The following KIFAP3 variants were observed in gnomAD, a reference collection of about 807,000 sequenced individuals.
KIFAP3 encodes the protein kinesin associated protein 3, also known as kinesin-associated protein 3.
A neutral mutation model predicts 106.5 loss-of-function variants in KIFAP3; 68 were observed. The ratio of observed to expected loss-of-function variants is 0.64; its 90% CI spans 0.53 to 0.78. KIFAP3 has a LOEUF of 0.78. KIFAP3 is among the 30% of genes least tolerant of loss of function. The pLI is 0.00. For missense variants in KIFAP3, 780 were observed against 941.8 expected, an observed-to-expected ratio of 0.83 and a Z score of 2.25; for synonymous variants, 320 against 311.5, an observed-to-expected ratio of 1.03 and a Z score of -0.29.
chr1:169,993,478 TTC>T (rs1413970758), intron 10 of KIFAP3, among the ~76,000 whole-genome samples: 1 of 150,404 alleles, frequency 6.6e-6, no homozygotes, highest in Non-Finnish European at 1.5e-5. Context: ...TGCTGATTGA[TTC>T]TGTTTTTAAT....
chr1:170,083,725 A>G (rs1411443513), intron 1 of KIFAP3, among the ~76,000 whole-genome samples: 2 of 152,162 alleles, frequency 1.3e-5, no homozygotes, highest in Non-Finnish European at 1.5e-5. Context: ...TATTAATCAT[A>G]TGACTACTCA....
At chr1:169,928,699 CAAAAAAAAA>C (rs10690029) in intron 19 of KIFAP3, among the ~76,000 whole-genome samples, 1 of 37,784 alleles carries the variant, frequency 2.6e-5, no homozygotes, top group Admixed American at 4.8e-4. Context: ...ACCCTGTCTC[CAAAAAAAAA>C]AAAAAAAAAA....
upstream of KIFAP3, among the ~76,000 whole-genome samples, chr1:170,079,440 A>G (rs1304652856): frequency 6.6e-6 from 1 of 152,224 alleles, no homozygotes; most frequent in Non-Finnish European, 1.5e-5. Flanking sequence ...ACAAAGACAC[A>G]TATTAACAAT....
At chr1:169,978,980 T>A (rs1666370882) in intron 15 of KIFAP3, among the ~76,000 whole-genome samples, 1 of 152,134 alleles carries the variant, frequency 6.6e-6, no homozygotes, top group Non-Finnish European at 1.5e-5. Context: ...TATCTTGGTA[T>A]ACAGTATTCC....
chr1:170,017,220 G>T (rs1415474065), intron 9 of KIFAP3, among the ~76,000 whole-genome samples: 1 of 134,498 alleles, frequency 7.4e-6, no homozygotes. Context: ...TCATGCTACT[G>T]CATTCCAGCC....
intron 10 of KIFAP3, among the ~76,000 whole-genome samples, chr1:169,999,392 T>C (rs923394388): frequency 6.6e-5 from 10 of 152,254 alleles, no homozygotes; most frequent in African/African-American, 2.4e-4. Flanking sequence ...AAGACATCAA[T>C]TATTCCCTAA....
At chr1:170,001,157 T>G (rs1667650503) in intron 10 of KIFAP3, among the ~76,000 whole-genome samples, 2 of 152,140 alleles carry the variant, frequency 1.3e-5, no homozygotes, top group South Asian at 4.1e-4. Context: ...TGTAGAATTT[T>G]TATTACATCC....
At chr1:169,986,030 G>C (rs971086371) in intron 11 of KIFAP3, among the ~76,000 whole-genome samples, 4 of 151,764 alleles carry the variant, frequency 2.6e-5, no homozygotes, top group Non-Finnish European at 4.4e-5. Context: ...ACAACAAATA[G>C]AAGTTATTCC....
At chr1:170,039,159 T>C (rs1437055630) in intron 4 of KIFAP3, 74 bp downstream of exon 4, 15 of 761,602 alleles carry the variant, frequency 2.0e-5, no homozygotes, top group Middle Eastern at 2.5e-4. Context: ...AATGTGATTG[T>C]GTGTATTATT....
At chr1:169,944,241 C>T (rs1664302132) in intron 19 of KIFAP3, among the ~76,000 whole-genome samples, 1 of 152,188 alleles carries the variant, frequency 6.6e-6, no homozygotes, top group Admixed American at 6.5e-5. Flanking sequence ...GGCATGCTGG[C>T]TGACTGGCTA....
chr1:170,074,665 T>C lies in KIFAP3; in HGVS notation c.-198A>G, dbSNP rs555541931. 8.8e-5 allele frequency: 128 copies of C among 1,449,644 alleles called. No homozygotes were observed. The African/African-American group carries it at 1.4e-3, about 16-fold the overall frequency. The allele number at this position is 1,449,644 out of a possible 1,614,324, so 89.8% of individuals were successfully genotyped here. ...CCACAGCTTCTGTGCCCCAAAACAC[T>C]GGAGCGGCCCAGACCCGCCCAGAGT... On this transcript the variant is annotated 5_prime_UTR_variant, in exon 1 of 20. Coordinates refer to ENST00000361580, the MANE Select transcript of KIFAP3 (RefSeq NM_014970.4).
At chr1:170,064,931 CCTTT>C (rs1426345121) in intron 1 of KIFAP3, among the ~76,000 whole-genome samples, 1 of 152,138 alleles carries the variant, frequency 6.6e-6, no homozygotes, top group African/African-American at 2.4e-5. Context: ...CTGCAATTTT[CCTTT>C]CTAATGTCCT....
intron 3 of KIFAP3, among the ~76,000 whole-genome samples, chr1:170,044,460 C>T (rs1670140273): frequency 6.6e-6 from 1 of 152,154 alleles, no homozygotes; most frequent in Admixed American, 6.5e-5. Context: ...ACTACTGTGA[C>T]TCTGAACTAG....
chr1:169,939,981 A>G (rs1038356249), intron 19 of KIFAP3, among the ~76,000 whole-genome samples: 11 of 152,224 alleles, frequency 7.2e-5, no homozygotes, highest in Admixed American at 2.0e-4. Context: ...ATGTGGGGCC[A>G]AAGAGTTTAA....
intron 2 of KIFAP3, among the ~76,000 whole-genome samples, chr1:170,047,527 A>G (rs1670320643): frequency 6.6e-6 from 1 of 150,610 alleles, no homozygotes; most frequent in Non-Finnish European, 1.5e-5. Flanking sequence ...AGGTTGAGGC[A>G]GCAGAATTGT....
intron 1 of KIFAP3, among the ~76,000 whole-genome samples, chr1:170,071,420 A>G (rs751867134): frequency 2.6e-5 from 4 of 152,220 alleles, no homozygotes; most frequent in Admixed American, 6.5e-5. Flanking sequence ...TTATGTTGCT[A>G]TAACACAATA....
chr1:169,940,359 C>A (rs974014003), intron 19 of KIFAP3, among the ~76,000 whole-genome samples: 5 of 152,174 alleles, frequency 3.3e-5, no homozygotes, highest in African/African-American at 1.2e-4. Flanking sequence ...TAATTGCCAT[C>A]ATCATTATTG....
intron 15 of KIFAP3, 125 bp downstream of exon 15, chr1:169,981,847 A>G (rs1666539667): frequency 1.4e-6 from 1 of 719,246 alleles, no homozygotes; most frequent in African/African-American, 1.8e-5. Flanking sequence ...TCTTGATTAT[A>G]TAAGTTGCTA....
Position 170,013,818 on chromosome 1 carries a change from T to C in KIFAP3, c.1183+2644A>G, listed in dbSNP as rs77280872. Among the ~76,000 whole-genome samples, 630 of 151,982 alleles carry C rather than the reference T, an allele frequency of 4.1e-3. 2 individuals carry two copies. The highest frequency in any genetic ancestry group is 7.5e-3 in the South Asian group (36 of 4,796). ...TTGAAGTTAGGCATGGCGATGTGAT[T>C]TGCTTTTATCAACAGAATGTAGCAA... On this transcript the variant is annotated intron_variant, in intron 10 of 19. Coordinates refer to ENST00000361580, the MANE Select transcript of KIFAP3 (RefSeq NM_014970.4).
Sources: allele counts gnomAD v4.1 joint callset (sites outside exome capture counted in the v4.1 genomes callset), GRCh38; gene constraint gnomAD v4.1.1; transcripts MANE v1.5; gene names NCBI Gene and HGNC (gene_info 2026-07-23, HGNC 2026-07-21).